Variants in LRP2BP observed in about 807,000 individuals in gnomAD.
LRP2BP encodes the protein LRP2-binding protein.
Under a neutral mutation model 45.2 loss-of-function variants are expected in LRP2BP, and 38 were observed. The observed-to-expected ratio is 0.84, with a 90% CI of 0.65 to 1.10. The LOEUF is 1.10. Ranked by LOEUF, LRP2BP falls within the 50% of genes least tolerant of loss-of-function variation. LRP2BP has a pLI of 0.00. For synonymous variants in LRP2BP, 153 were observed against 153.9 expected (o/e 0.99, Z 0.04); for missense variants, 385 against 418.9 (o/e 0.92, Z 0.71).
chr4:185,372,832 C>T, intron 7 of LRP2BP, 24 bp downstream of exon 7: 1 of 1,531,402 alleles, frequency 6.5e-7, no homozygotes, highest in Non-Finnish European at 9.0e-7. Context: ...GTTACAGCAG[C>T]ACAGAACAGA....
chr4:185,397,150 G>C, upstream of LRP2BP: 1 of 1,613,374 alleles, frequency 6.2e-7, no homozygotes, highest in Non-Finnish European at 8.5e-7. Flanking sequence ...CTTCCTGCAG[G>C]TGGATGGTCT....
At chr4:185,370,913 T>C in intron 7 of LRP2BP, 99 bp from the exon 8 acceptor site, 1 of 1,280,436 alleles carries the variant, frequency 7.8e-7, no homozygotes, top group African/African-American at 1.5e-5. Flanking sequence ...TGAAGTGATT[T>C]CTCTCTACTG....
At chr4:185,375,851 T>G in intron 3 of LRP2BP, 125 bp from the exon 4 acceptor site, 1 of 508,658 alleles carries the variant, frequency 2.0e-6, no homozygotes. Context: ...CAGCCATATC[T>G]GAACCCATGC....
intron 1 of LRP2BP, among the ~76,000 whole-genome samples, chr4:185,386,827 C>T (rs1486244220): frequency 3.9e-5 from 6 of 152,144 alleles, no homozygotes; most frequent in South Asian, 2.1e-4. Context: ...ACCAGCACTA[C>T]GAAGGCCACT....
upstream of LRP2BP, chr4:185,396,791 G>C (rs1452188153): frequency 1.0e-6 from 1 of 988,090 alleles, no homozygotes; most frequent in African/African-American, 1.6e-5. Context: ...GCCAAGGGCC[G>C]GCCCGGAAGT....
In LRP2BP at chr4:185,394,992, A is replaced by G. The variant is rs1429078093; in HGVS notation, c.-235T>C. 2 of 985,298 alleles carry G rather than the reference A, an allele frequency of 2.0e-6. No individual in the cohort carries two copies. The highest frequency in any genetic ancestry group is 2.4e-6 in the Non-Finnish European group (2 of 829,936). The allele number at this position is 985,298 out of a possible 1,614,324, so 61.0% of individuals were successfully genotyped here. On this transcript the variant is annotated 5_prime_UTR_variant, in exon 1 of 9. Coordinates refer to ENST00000505916, the MANE Select transcript of LRP2BP (RefSeq NM_001377440.1). ...CTTGCCAGTAAGATATTGTCCCCCA[A>G]ATGTACTTATCCTGTTTTTGTGCAT...
chr4:185,382,458 G>A (rs1353655038), intron 1 of LRP2BP, among the ~76,000 whole-genome samples: 4 of 152,116 alleles, frequency 2.6e-5, no homozygotes, highest in African/African-American at 9.7e-5. Context: ...ATTTCAAAGT[G>A]GTTGTACCAT....
chr4:185,389,431 T>G (rs2095482149), intron 1 of LRP2BP, among the ~76,000 whole-genome samples: 1 of 149,976 alleles, frequency 6.7e-6, no homozygotes, highest in African/African-American at 2.5e-5. Context: ...AGACTCGTCT[T>G]GAACTCCTGA....
Position 185,395,725 on chromosome 4 carries a change from G to T in LRP2BP, c.-968C>A. On this transcript the variant is annotated 5_prime_UTR_variant, in exon 1 of 9. Transcript: ENST00000505916. ...TATGGCTCTTACTACAAAACAAAAA[G>T]TAGAATGAAAAGACCACTTATCTTT... The T allele has an allele frequency of 1.0e-6, 1 of 985,352 alleles. No homozygotes were observed. The highest frequency in any genetic ancestry group is 1.2e-6 in the Non-Finnish European group (1 of 829,890). The allele number at this position is 985,352 out of a possible 1,614,324, so 61.0% of individuals were successfully genotyped here.
chr4:185,367,304 T>C (rs1323414758), intron 8 of LRP2BP, 59 bp from the exon 9 acceptor site: 3 of 329,898 alleles, frequency 9.1e-6, no homozygotes, highest in Non-Finnish European at 8.7e-6. Context: ...GTCTTTCTTC[T>C]TTTTTTTTTT....
intron 1 of LRP2BP, among the ~76,000 whole-genome samples, chr4:185,385,459 C>T (rs1255722759): frequency 6.6e-6 from 1 of 152,080 alleles, no homozygotes; most frequent in East Asian, 1.9e-4. Context: ...CTGTCACAAC[C>T]AAAATTTAAA....
In LRP2BP at chr4:185,372,842, A is replaced by T; in HGVS notation, c.803+14T>A. The T allele has an allele frequency of 6.3e-7, 1 of 1,581,532 alleles. No homozygotes were observed. The highest frequency in any genetic ancestry group is 8.7e-7 in the Non-Finnish European group (1 of 1,152,740). The stretch of plus-strand genomic sequence containing the variant: ...ATTCTGTTACAGCAGCACAGAACAG[A>T]CAAAGACATTCACCTTTTGGAAAAT... On this transcript the variant is annotated intron_variant, in intron 7 of 8. Transcript: ENST00000505916.
intron 1 of LRP2BP, among the ~76,000 whole-genome samples, chr4:185,392,136 T>C (rs13130486): frequency 0.73 from 111,420 of 152,126 alleles, 42,045 homozygotes; most frequent in East Asian, 0.99. Flanking sequence ...TCATCTAATT[T>C]TACAAATTTA....
Position 185,395,815 on chromosome 4 carries a change from TC to T in LRP2BP, c.-1059del, listed in dbSNP as rs2095500696. On this transcript the variant is annotated 5_prime_UTR_variant, in exon 1 of 9. The change creates a premature stop within an existing upstream ORF in the 5' untranslated region. Transcript: ENST00000505916. ...TAAACGTATTTATTTCTCCGAGCTTTCAAAGGCATCAACAGAAGGGAATCAC... is the reference window on the plus strand; with the variant it reads ...TAAACGTATTTATTTCTCCGAGCTTTAAAGGCATCAACAGAAGGGAATCAC... 3.0e-6 allele frequency: 3 copies of T among 985,414 alleles called. No homozygotes were observed. The African/African-American group carries it at 5.2e-5, about 17-fold the overall frequency. The allele number at this position is 985,414 out of a possible 1,614,324, so 61.0% of individuals were successfully genotyped here.
At chr4:185,377,181 A>G (rs2095440953) in intron 2 of LRP2BP, 163 bp from the exon 3 acceptor site, 6 of 616,316 alleles carry the variant, frequency 9.7e-6, no homozygotes, top group Non-Finnish European at 1.7e-5. Flanking sequence ...TATTACCTGA[A>G]AAAACGTCAT....
At chr4:185,389,331 C>T (rs1170997297) in intron 1 of LRP2BP, among the ~76,000 whole-genome samples, 2 of 152,116 alleles carry the variant, frequency 1.3e-5, no homozygotes, top group East Asian at 3.9e-4. Context: ...ACCTCAGCCT[C>T]CCAAGTAGCT....
intron 2 of LRP2BP, 78 bp downstream of exon 2, chr4:185,378,000 TTTC>T (rs775008857): frequency 1.8e-5 from 21 of 1,141,292 alleles, no homozygotes; most frequent in Non-Finnish European, 2.4e-5. Context: ...AAACACATTA[TTTC>T]TTGTCTCGTT....
upstream of LRP2BP, chr4:185,397,004 A>G (rs2095505260): frequency 3.7e-6 from 6 of 1,611,726 alleles, no homozygotes; most frequent in African/African-American, 5.3e-5. Flanking sequence ...TCAAGCTTCT[A>G]GATTCGTCTT....
rs2095382359 is a variant in LRP2BP at position 185,365,172 on chromosome 4, T to G, written c.*2008A>C. ...CGCTTGTGCCAGAGCATTAGCTTTA[T>G]GGTAACTAGAGTAAACTGAAATTTT... On this transcript the variant is annotated 3_prime_UTR_variant, in exon 9 of 9. Transcript: ENST00000505916. The G allele has an allele frequency of 6.9e-6, 1 of 145,516 alleles. No homozygotes were observed. The highest frequency in any genetic ancestry group is 2.1e-4 in the South Asian group (1 of 4,816). 9.0% of individuals were successfully genotyped at this position (145,516 alleles called of 1,614,324 possible).
Sources: allele counts gnomAD v4.1 joint callset (sites outside exome capture counted in the v4.1 genomes callset), GRCh38; gene constraint gnomAD v4.1.1; transcripts MANE v1.5; gene names NCBI Gene and HGNC (gene_info 2026-07-23, HGNC 2026-07-21).